The following CACNA1A variants were observed in gnomAD, a reference collection of about 807,000 sequenced individuals.
CACNA1A encodes the protein voltage-dependent P/Q-type calcium channel subunit alpha-1A.
A neutral mutation model predicts 262.4 loss-of-function variants in CACNA1A; 57 were observed. That is an observed-to-expected ratio of 0.22 (90% CI 0.18 to 0.27). The LOEUF (loss-of-function observed/expected upper bound fraction) is 0.27. CACNA1A is among the 10% of genes least tolerant of loss of function. The pLI, the probability that CACNA1A is intolerant of heterozygous loss-of-function variation, is 1.00. For synonymous variants in CACNA1A, 1,431 were observed against 1,419.3 expected (o/e 1.01, Z -0.18); for missense variants, 2,526 against 3,562.8 (o/e 0.71, Z 7.41).
intron 3 of CACNA1A, among the ~76,000 whole-genome samples, chr19:13,443,691 T>G (rs1297905263): frequency 2.6e-5 from 4 of 152,226 alleles, no homozygotes; most frequent in Non-Finnish European, 5.9e-5. Flanking sequence ...AGTTTCAGCT[T>G]ATCAATGTTG....
Position 13,298,717 on chromosome 19 carries a change from C to G in CACNA1A, c.2916G>C (p.Lys972Asn). ...RRPGEEGPED[K>N]AERRARHREG... ...CGCGGTGCCGCGCCCTCCGCTCCGC[C>G]TTGTCCTCCGGACCCTCCTCCCCGG... is the stretch of plus-strand genomic sequence containing the variant. Residue 972 changes from lysine to asparagine, a missense_variant, in exon 19 of 47, where the codon AAG (lysine) becomes AAC (asparagine). Lys to Asn is a moderately conservative substitution (Grantham distance 94). This residue lies in a region of CACNA1A where 765 missense variants were observed against 748.6 expected (regional missense o/e 1.02). Coordinates refer to ENST00000360228, the MANE Select transcript of CACNA1A (RefSeq NM_001127222.2). 1 of 1,490,796 alleles carries G rather than the reference C, an allele frequency of 6.7e-7. No individual in the cohort carries two copies. The highest frequency in any genetic ancestry group is 8.9e-7 in the Non-Finnish European group (1 of 1,124,634). The allele number at this position is 1,490,796 out of a possible 1,614,324, so 92.3% of individuals were successfully genotyped here.
intron 5 of CACNA1A, chr19:13,363,609 CA>C (rs1381399109): frequency 1.3e-5 from 2 of 151,994 alleles, no homozygotes; most frequent in East Asian, 3.9e-4. Context: ...AGGGAGGGCT[CA>C]GGGGCTGCCT....
At chr19:13,464,491 T>C (rs2061184626) in intron 1 of CACNA1A, among the ~76,000 whole-genome samples, 1 of 151,672 alleles carries the variant, frequency 6.6e-6, no homozygotes, top group African/African-American at 2.4e-5. Context: ...AATCATGCAA[T>C]AAATGTTCAT....
intron 1 of CACNA1A, among the ~76,000 whole-genome samples, chr19:13,478,958 G>A (rs1978913288): frequency 1.3e-5 from 2 of 152,204 alleles, no homozygotes; most frequent in African/African-American, 4.8e-5. Context: ...TGGATCACCT[G>A]AGGTCAGGAG....
rs183975196 is a variant in CACNA1A, at chr19:13,334,949, G to A, written c.1083-456C>T. On this transcript the variant is annotated intron_variant, in intron 7 of 46. Coordinates refer to ENST00000360228, the MANE Select transcript of CACNA1A (RefSeq NM_001127222.2). ...CTCAGGAGGCTGAGGCAGGAGGATC[G>A]CTTGTGCCTAGGAGTTCTAGGTTAC... Among the ~76,000 whole-genome samples, 231 of 151,834 alleles carry A rather than the reference G, an allele frequency of 1.5e-3. 1 individual carries two copies. The highest frequency in any genetic ancestry group is 3.6e-3 in the African/African-American group (149 of 41,406).
intron 22 of CACNA1A, among the ~76,000 whole-genome samples, chr19:13,279,379 C>G (rs1425843598): frequency 6.6e-6 from 1 of 152,100 alleles, no homozygotes; most frequent in Non-Finnish European, 1.5e-5. Flanking sequence ...CACTCCACAC[C>G]CAGCAGATCG....
chr19:13,490,761 A>AAGAG (rs1433560462), intron 1 of CACNA1A, among the ~76,000 whole-genome samples: 9 of 147,298 alleles, frequency 6.1e-5, no homozygotes, highest in African/African-American at 2.4e-4. Flanking sequence ...AAGAAGGAAG[A>AAGAG]AGAGAGGAAG....
intron 4 of CACNA1A, among the ~76,000 whole-genome samples, chr19:13,369,214 TTAG>T (rs2059274672): frequency 6.6e-6 from 1 of 152,114 alleles, no homozygotes; most frequent in South Asian, 2.1e-4. Flanking sequence ...GCCTCTCTTC[TTAG>T]TAGAATTGCC....
At chr19:13,220,692 T>C (rs2055188687) in intron 38 of CACNA1A, among the ~76,000 whole-genome samples, 1 of 152,132 alleles carries the variant, frequency 6.6e-6, no homozygotes, top group Non-Finnish European at 1.5e-5. Context: ...GTGGTCATCA[T>C]ATAGCTCACT....
At chr19:13,480,473 TG>T (rs1444243071) in intron 1 of CACNA1A, among the ~76,000 whole-genome samples, 1 of 152,194 alleles carries the variant, frequency 6.6e-6, no homozygotes, top group African/African-American at 2.4e-5. Flanking sequence ...CGACTGTTTA[TG>T]TTACTGGTAA....
intron 1 of CACNA1A, among the ~76,000 whole-genome samples, chr19:13,486,900 T>C (rs1319536877): frequency 6.6e-6 from 1 of 152,110 alleles, no homozygotes; most frequent in Non-Finnish European, 1.5e-5. Context: ...CTCCTCTGTC[T>C]CTTCCTTCTT....
intron 38 of CACNA1A, among the ~76,000 whole-genome samples, chr19:13,219,985 T>C (rs1220397463): frequency 6.7e-6 from 1 of 148,188 alleles, no homozygotes; most frequent in Non-Finnish European, 1.5e-5. Flanking sequence ...ATGCTGGGCA[T>C]GGTGGCTCAC....
rs1244678950 is a variant in CACNA1A at position 13,330,253 on chromosome 19, C to A, written c.1336G>T (p.Ala446Ser). The change falls in exon 10 of 47, where the codon GCC (alanine) becomes TCC (serine). Residue 446 changes from alanine to serine, a missense_variant. Coordinates refer to ENST00000360228, the MANE Select transcript of CACNA1A (RefSeq NM_001127222.2). ...AGAGGAAGGGACTCACCCACAGAGG[C>A]TATATCAGCCAGCTGATCCTCAGCC... ...EEAEDQLADI[A>S]SVGSPFARAS... The A allele has an allele frequency of 6.4e-7, 1 of 1,555,974 alleles. No homozygotes were observed. The highest frequency in any genetic ancestry group is 8.7e-7 in the Non-Finnish European group (1 of 1,148,692).
chr19:13,503,709 G>C (rs1982670948), intron 1 of CACNA1A, among the ~76,000 whole-genome samples: 1 of 142,390 alleles, frequency 7.0e-6, no homozygotes, highest in Non-Finnish European at 1.5e-5. Context: ...CTCGATGACA[G>C]ATTGTGAGGT....
intron 3 of CACNA1A, among the ~76,000 whole-genome samples, chr19:13,402,891 T>C (rs80340836): frequency 0.023 from 2,658 of 114,056 alleles, 56 homozygotes; most frequent in East Asian, 0.11. Context: ...TATATATATA[T>C]ATATATATAT....
intron 38 of CACNA1A, among the ~76,000 whole-genome samples, chr19:13,217,479 A>G (rs1169017931): frequency 1.3e-5 from 2 of 152,152 alleles, no homozygotes; most frequent in Non-Finnish European, 2.9e-5. Flanking sequence ...TGCCACTGTT[A>G]TCACTCTTCC....
intron 31 of CACNA1A, among the ~76,000 whole-genome samples, chr19:13,237,131 G>A (rs547906665): frequency 6.6e-6 from 1 of 152,186 alleles, no homozygotes; most frequent in East Asian, 1.9e-4. Context: ...GGGTCCTCAC[G>A]TTTTAGAAAT....
chr19:13,481,132 T>C (rs1417890043), intron 1 of CACNA1A, among the ~76,000 whole-genome samples: 6 of 152,100 alleles, frequency 3.9e-5, no homozygotes, highest in Non-Finnish European at 7.3e-5. Flanking sequence ...GCAAGCGAGG[T>C]GCCTGGCATA....
intron 6 of CACNA1A, among the ~76,000 whole-genome samples, chr19:13,346,825 G>A (rs193184214): frequency 2.0e-5 from 3 of 147,114 alleles, no homozygotes; most frequent in East Asian, 2.0e-4. Context: ...GACTACAGGC[G>A]CCTGCCACCA....
Sources: gnomAD v4.1 joint callset for allele counts (sites outside exome capture counted in the v4.1 genomes callset) on GRCh38, gnomAD v4.1.1 for gene constraint, gnomAD v4.1.1 regional missense constraint, MANE v1.5 for transcripts, NCBI Gene and HGNC (gene_info 2026-07-23, HGNC 2026-07-21) for gene names.